The following RFX3 variants were observed in gnomAD, a reference collection of about 807,000 sequenced individuals.
The protein encoded by RFX3 is regulatory factor X3, also known as transcription factor RFX3.
RFX3 carries 14 observed loss-of-function variants against 98.6 expected under a neutral mutation model. The observed-to-expected ratio is 0.14, with a 90% CI of 0.09 to 0.22. RFX3 has a LOEUF of 0.22. Among genes scored for constraint, RFX3 ranks in the 10% least tolerant of loss-of-function variants. The probability of loss-of-function intolerance (pLI) is 1.00; values close to 1 mark genes in which losing one functional copy is unlikely to be tolerated. For synonymous variants in RFX3, 383 were observed against 328.4 expected, an observed-to-expected ratio of 1.17 and a Z score of -1.80; for missense variants, 639 against 926.9, an observed-to-expected ratio of 0.69 and a Z score of 4.03.
chr9:3,470,503 T>TC (rs112103221), intron 1 of RFX3, among the ~76,000 whole-genome samples: 36 of 113,118 alleles, frequency 3.2e-4, no homozygotes, highest in African/African-American at 1.5e-3. Context: ...TTTCTTTTTT[T>TC]TTTTTAGTAG....
At chr9:3,424,355 T>TA (rs1843758093) in intron 1 of RFX3, among the ~76,000 whole-genome samples, 1 of 94,560 alleles carries the variant, frequency 1.1e-5, no homozygotes, top group Admixed American at 9.3e-5. Context: ...TGACTTTTTT[T>TA]TTTTTTTTTT....
intron 4 of RFX3, among the ~76,000 whole-genome samples, chr9:3,325,612 C>A (rs908901630): frequency 6.6e-6 from 1 of 151,926 alleles, no homozygotes; most frequent in Admixed American, 6.6e-5. Flanking sequence ...AAAACTCATA[C>A]ATAACCATCT....
intron 1 of RFX3, among the ~76,000 whole-genome samples, chr9:3,441,580 A>G (rs1845614489): frequency 6.6e-6 from 1 of 152,270 alleles, no homozygotes; most frequent in East Asian, 1.9e-4. Flanking sequence ...AAAAAGGTGG[A>G]GGGTAACAAG....
intron 2 of RFX3, among the ~76,000 whole-genome samples, chr9:3,372,823 T>C (rs1439113189): frequency 6.6e-6 from 1 of 152,094 alleles, no homozygotes; most frequent in East Asian, 1.9e-4. Context: ...TGACCTCAAG[T>C]GATCCGCCCA....
chr9:3,290,279 A>T (rs1057006146), intron 6 of RFX3, among the ~76,000 whole-genome samples: 1 of 152,138 alleles, frequency 6.6e-6, no homozygotes, highest in South Asian at 2.1e-4. Context: ...ATCAGAAAGT[A>T]AAAGCGGCAA....
intron 1 of RFX3, among the ~76,000 whole-genome samples, chr9:3,443,655 G>C (rs953346000): frequency 2.0e-5 from 3 of 152,130 alleles, no homozygotes; most frequent in Non-Finnish European, 2.9e-5. Context: ...GAATAGTGCT[G>C]CAATAAATAT....
intron 4 of RFX3, among the ~76,000 whole-genome samples, chr9:3,328,245 T>C (rs1832153667): frequency 6.6e-6 from 1 of 152,158 alleles, no homozygotes; most frequent in African/African-American, 2.4e-5. Context: ...AGGTGGCCTA[T>C]AGGAGGAGTG....
intron 4 of RFX3, among the ~76,000 whole-genome samples, chr9:3,328,621 G>A (rs896606231): frequency 6.6e-6 from 1 of 152,098 alleles, no homozygotes; most frequent in African/African-American, 2.4e-5. Context: ...AGAACAGCTA[G>A]TCATCTGTTC....
At chr9:3,378,367 T>G (rs1282339238) in intron 2 of RFX3, among the ~76,000 whole-genome samples, 2 of 152,140 alleles carry the variant, frequency 1.3e-5, no homozygotes, top group African/African-American at 4.8e-5. Context: ...TCAGACTACA[T>G]AATCCATTAA....
intron 5 of RFX3, among the ~76,000 whole-genome samples, chr9:3,299,103 G>C (rs960573097): frequency 3.3e-5 from 5 of 151,572 alleles, no homozygotes; most frequent in African/African-American, 1.2e-4. Context: ...GCCCCATATA[G>C]TGAGAAATAA....
At chr9:3,516,426 T>G (rs2133883558) in intron 1 of RFX3, among the ~76,000 whole-genome samples, 1 of 152,304 alleles carries the variant, frequency 6.6e-6, no homozygotes, top group South Asian at 2.1e-4. Flanking sequence ...CAAAGCTGAA[T>G]TAAAAGAATG....
intron 14 of RFX3, among the ~76,000 whole-genome samples, chr9:3,254,668 G>A (rs1000818973): frequency 6.6e-6 from 1 of 152,002 alleles, no homozygotes; most frequent in African/African-American, 2.4e-5. Context: ...CTCCCGAGTA[G>A]CTGGGATTAC....
intron 1 of RFX3, among the ~76,000 whole-genome samples, chr9:3,521,565 T>C (rs1339445085): frequency 6.6e-6 from 1 of 152,172 alleles, no homozygotes; most frequent in African/African-American, 2.4e-5. Flanking sequence ...AGGACAGAAT[T>C]GTAGAGTAAA....
chr9:3,360,906 G>C (rs546271001), intron 2 of RFX3, among the ~76,000 whole-genome samples: 6 of 152,220 alleles, frequency 3.9e-5, no homozygotes, highest in African/African-American at 1.4e-4. Flanking sequence ...TAATTGTTAA[G>C]CTTATTAGTC....
At chr9:3,343,208 G>A (rs1018084858) in intron 3 of RFX3, among the ~76,000 whole-genome samples, 4 of 152,198 alleles carry the variant, frequency 2.6e-5, no homozygotes, top group African/African-American at 7.2e-5. Context: ...ATGACATGGG[G>A]ACGCTGGTGA....
intron 7 of RFX3, among the ~76,000 whole-genome samples, chr9:3,277,665 C>T (rs1198478912): frequency 1.3e-5 from 2 of 151,798 alleles, no homozygotes; most frequent in East Asian, 3.9e-4. Flanking sequence ...AGAAGGGATG[C>T]ATGAAGGGGA....
At position 3,496,188 on chromosome 9, in the gene RFX3, G is replaced by A. The variant is rs556793976; in HGVS notation, c.-9+29559C>T. ...TTTAAAGACAGGCTATTTAATACGA[G>A]CCTCGTTGTATATATTTACTAAAAT... is the stretch of plus-strand genomic sequence containing the variant. On this transcript the variant is annotated intron_variant, in intron 1 of 16. Transcript: ENST00000617270. Among the ~76,000 whole-genome samples, 661 of 151,956 alleles carry A rather than the reference G, an allele frequency of 4.3e-3. 4 individuals are homozygous for A. Among genetic ancestry groups the A allele is most frequent in the Non-Finnish European group, 7.9e-3 (535 of 67,836 alleles).
chr9:3,507,541 G>A (rs150941915), intron 1 of RFX3, among the ~76,000 whole-genome samples: 1 of 151,832 alleles, frequency 6.6e-6, no homozygotes, highest in Non-Finnish European at 1.5e-5. Flanking sequence ...CACACCCAGG[G>A]CTGTTCATTT....
At chr9:3,357,558 A>C (rs1371573421) in intron 2 of RFX3, among the ~76,000 whole-genome samples, 1 of 152,050 alleles carries the variant, frequency 6.6e-6, no homozygotes, top group Non-Finnish European at 1.5e-5. Flanking sequence ...TTAATAGCTT[A>C]TATTACAACC....
Sources: gnomAD v4.1 joint callset for allele counts (sites outside exome capture counted in the v4.1 genomes callset) on GRCh38, gnomAD v4.1.1 for gene constraint, MANE v1.5 for transcripts, NCBI Gene and HGNC (gene_info 2026-07-23, HGNC 2026-07-21) for gene names.